Variants in UBASH3B observed in about 807,000 individuals in gnomAD.
UBASH3B encodes the protein ubiquitin associated and SH3 domain containing B, also known as ubiquitin-associated and SH3 domain-containing protein B.
Under a neutral mutation model 83.4 loss-of-function variants are expected in UBASH3B, and 37 were observed. The ratio of observed to expected loss-of-function variants is 0.44; its 90% CI spans 0.34 to 0.58. The LOEUF is 0.58. Among genes scored for constraint, UBASH3B ranks in the 20% least tolerant of loss-of-function variants. UBASH3B has a pLI of 0.01. For synonymous variants in UBASH3B, 304 were observed against 318.3 expected (o/e 0.96, Z 0.48); for missense variants, 657 against 827.2 (o/e 0.79, Z 2.52).
intron 11 of UBASH3B, among the ~76,000 whole-genome samples, chr11:122,802,187 C>A (rs190680214): frequency 6.6e-6 from 1 of 151,816 alleles, no homozygotes; most frequent in Non-Finnish European, 1.5e-5. Flanking sequence ...TGGTGGCACA[C>A]GCCTGTAGTC....
chr11:122,729,791 T>A (rs1452604117), intron 1 of UBASH3B, among the ~76,000 whole-genome samples: 1 of 59,068 alleles, frequency 1.7e-5, no homozygotes, highest in Admixed American at 2.4e-4. Context: ...AGACCCTATC[T>A]CTACAAAAAA....
intron 1 of UBASH3B, among the ~76,000 whole-genome samples, chr11:122,731,295 GT>G (rs1408814916): frequency 6.6e-6 from 1 of 152,166 alleles, no homozygotes; most frequent in Non-Finnish European, 1.5e-5. Context: ...TGGAAGATGA[GT>G]TTTTACTGTA....
At chr11:122,713,026 G>A (rs965855739) in intron 1 of UBASH3B, among the ~76,000 whole-genome samples, 7 of 146,470 alleles carry the variant, frequency 4.8e-5, no homozygotes, top group African/African-American at 1.8e-4. Flanking sequence ...TCCTGCCTCA[G>A]CCTCCCGAGT....
chr11:122,805,199 CAAAG>C (rs1295649370), intron 11 of UBASH3B, among the ~76,000 whole-genome samples: 2 of 152,184 alleles, frequency 1.3e-5, no homozygotes, highest in Admixed American at 6.5e-5. Flanking sequence ...TTGCAGCAGG[CAAAG>C]AGAGAGCTTG....
At chr11:122,774,044 A>G (rs920619086) in intron 1 of UBASH3B, 32 of 984,834 alleles carry the variant, frequency 3.2e-5, no homozygotes, top group Non-Finnish European at 3.7e-5. Flanking sequence ...TTGTGCATAC[A>G]CGGCTTCTGT....
At chr11:122,748,599 G>A (rs1312233842) in intron 1 of UBASH3B, among the ~76,000 whole-genome samples, 1 of 152,188 alleles carries the variant, frequency 6.6e-6, no homozygotes, top group Admixed American at 6.5e-5. Context: ...AGCATTTCTT[G>A]ACATTTTCAT....
intron 1 of UBASH3B, among the ~76,000 whole-genome samples, chr11:122,710,851 T>C (rs531548663): frequency 7.4e-6 from 1 of 135,664 alleles, no homozygotes; most frequent in Admixed American, 7.4e-5. Context: ...GGCTTTGTCC[T>C]GGGGGCAGGG....
chr11:122,700,761 C>T (rs552352131), intron 1 of UBASH3B, among the ~76,000 whole-genome samples: 3 of 152,086 alleles, frequency 2.0e-5, no homozygotes, highest in Non-Finnish European at 4.4e-5. Flanking sequence ...CCTCCCAAAG[C>T]GCTGGGAATA....
chr11:122,792,443 C>T (rs946189764), intron 6 of UBASH3B, among the ~76,000 whole-genome samples: 3 of 151,844 alleles, frequency 2.0e-5, no homozygotes, highest in Non-Finnish European at 2.9e-5. Context: ...CTCAGCCCCC[C>T]GAGTAGCCAG....
intron 5 of UBASH3B, among the ~76,000 whole-genome samples, chr11:122,783,944 T>A (rs946929095): frequency 1.3e-5 from 2 of 149,380 alleles, no homozygotes; most frequent in Non-Finnish European, 3.0e-5. Context: ...ATATTGCCTT[T>A]TTTTTTTTTT....
intron 4 of UBASH3B, among the ~76,000 whole-genome samples, chr11:122,781,088 G>A (rs945090464): frequency 2.0e-5 from 3 of 152,042 alleles, no homozygotes; most frequent in Non-Finnish European, 4.4e-5. Flanking sequence ...ATCACTGCAG[G>A]ATCACAGTGC....
chr11:122,777,461 G>T (rs1011048917), intron 3 of UBASH3B, among the ~76,000 whole-genome samples: 1 of 152,192 alleles, frequency 6.6e-6, no homozygotes, highest in Admixed American at 6.5e-5. Flanking sequence ...CCCTCTGTGA[G>T]GGACACACTG....
chr11:122,778,816 G>A (rs1002137964), intron 3 of UBASH3B, among the ~76,000 whole-genome samples: 1 of 151,972 alleles, frequency 6.6e-6, no homozygotes, highest in African/African-American at 2.4e-5. Flanking sequence ...TGTTGGTCAG[G>A]CTGGTCTCAA....
rs372037070 is a variant in UBASH3B at position 122,798,488 on chromosome 11, G to A, written c.1358-454G>A. On this transcript the variant is annotated intron_variant, in intron 9 of 13. Transcript: ENST00000284273. ...AGCACTTTGGGAGGCTGAGGTAGGC[G>A]GATCACGAGGTCAAGAGATCGAGAC... is the stretch of plus-strand genomic sequence containing the variant. 3.3e-5 allele frequency among the ~76,000 whole-genome samples: 5 copies of A among 152,016 alleles called. No individual in the cohort carries two copies. The East Asian group carries it at 5.8e-4, about 18-fold the overall frequency.
chr11:122,684,762 T>A (rs1863787530), intron 1 of UBASH3B, among the ~76,000 whole-genome samples: 1 of 152,154 alleles, frequency 6.6e-6, no homozygotes, highest in Non-Finnish European at 1.5e-5. Flanking sequence ...CACGCCCAGC[T>A]AATTTTTGTA....
At chr11:122,748,076 G>A (rs572587004) in intron 1 of UBASH3B, among the ~76,000 whole-genome samples, 1 of 152,322 alleles carries the variant, frequency 6.6e-6, no homozygotes, top group East Asian at 1.9e-4. Flanking sequence ...CCTGCAAAAG[G>A]AGGATCCTGC....
chr11:122,793,940 G>C (rs1861104621), intron 6 of UBASH3B, among the ~76,000 whole-genome samples: 3 of 152,210 alleles, frequency 2.0e-5, no homozygotes, highest in Admixed American at 2.0e-4. Flanking sequence ...GGCTGAGGTG[G>C]AGATGGTGAA....
chr11:122,805,042 C>T (rs991605617), intron 11 of UBASH3B, among the ~76,000 whole-genome samples: 6 of 152,136 alleles, frequency 3.9e-5, no homozygotes, highest in Admixed American at 1.3e-4. Flanking sequence ...TGTGTTAGTT[C>T]GTTTTCACGC....
intron 3 of UBASH3B, among the ~76,000 whole-genome samples, chr11:122,778,607 C>CT (rs960498187): frequency 2.1e-3 from 133 of 62,436 alleles, no homozygotes; most frequent in Middle Eastern, 7.1e-3. Flanking sequence ...TTTTCTTTTT[C>CT]TTTTTTTTTT....
Sources: gnomAD v4.1 joint callset for allele counts (sites outside exome capture counted in the v4.1 genomes callset) on GRCh38, gnomAD v4.1.1 for gene constraint, MANE v1.5 for transcripts, NCBI Gene and HGNC (gene_info 2026-07-23, HGNC 2026-07-21) for gene names.